Variants in KLC3 observed in about 807,000 individuals in gnomAD.
KLC3 encodes kinesin light chain 2.
A neutral mutation model predicts 62.9 loss-of-function variants in KLC3; 72 were observed. The ratio of observed to expected loss-of-function variants is 1.15; its 90% CI spans 0.95 to 1.39. The LOEUF (loss-of-function observed/expected upper bound fraction) is 1.39. Among genes scored for constraint, KLC3 ranks in the 40% most tolerant of loss-of-function variants. The probability of loss-of-function intolerance (pLI) is 0.00; values close to 1 mark genes in which losing one functional copy is unlikely to be tolerated. For missense variants in KLC3, 848 were observed against 691.6 expected (o/e 1.23, Z -2.54); for synonymous variants, 377 against 300.5 (o/e 1.25, Z -2.63).
chr19:45,349,850 CATTT>C lies in KLC3; in HGVS notation c.1143+252_1143+255del, dbSNP rs1456044283. The C allele has an allele frequency of 1.1e-5, 6 of 523,084 alleles. No individual in the cohort carries two copies. In the East Asian group the frequency reaches 1.3e-4, roughly 11 times the overall value. 32.4% of individuals were successfully genotyped at this position (523,084 alleles called of 1,614,324 possible). Reference sequence around the variant, plus strand: ...GGCAGGCACAGGTGGCAGCAGCAGACATTTATTGAGCTCACTGTGGCCGGCTCCC... The same window carrying C: ...GGCAGGCACAGGTGGCAGCAGCAGACATTGAGCTCACTGTGGCCGGCTCCC... On this transcript the variant is annotated intron_variant, in intron 8 of 12. Coordinates refer to ENST00000391946, the MANE Select transcript of KLC3 (RefSeq NM_177417.3).
intron 1 of KLC3, among the ~76,000 whole-genome samples, chr19:45,344,214 C>CTTT (rs60340712): frequency 1.7e-5 from 2 of 121,088 alleles, no homozygotes; most frequent in African/African-American, 6.3e-5. Context: ...TGTGTACCGT[C>CTTT]TTTTTTTTTT....
At position 45,345,621 on chromosome 19, in the gene KLC3, C is replaced by T. The variant is rs529082376; in HGVS notation, c.80C>T (p.Thr27Met). Residue 27 changes from threonine (T) to methionine (M), a missense_variant, in exon 2 of 13, where the codon ACG becomes ATG. Coordinates refer to ENST00000391946, the MANE Select transcript of KLC3 (RefSeq NM_177417.3). ...AGCCCTGAGGAGCTGGTGCGGCAGA[C>T]GCGGCAAGTGGTCCAGGGGCTGGAG... ...RLSPEELVRQ[T>M]RQVVQGLEAL... 6.8e-5 allele frequency: 108 copies of T among 1,582,316 alleles called. No homozygotes were observed. The East Asian group carries it at 8.3e-4, about 12-fold the overall frequency.
At chr19:45,347,340 C>CAAAAAAAAAA in intron 3 of KLC3, 107 bp from the exon 4 acceptor site, 10 of 556,700 alleles carry the variant, frequency 1.8e-5, no homozygotes, top group Non-Finnish European at 2.0e-5. Flanking sequence ...AACTCCGTCT[C>CAAAAAAAAAA]AAAAAAAAAA....
At position 45,348,752 on chromosome 19, in the gene KLC3, A is replaced by T. The variant is rs2123191791; in HGVS notation, c.867+19A>T. ...CCCCGCGGTGAGTGGGGCCCCAGGGAGACGAAGTGGGGTCAAAGTGGGGCC... is the reference window on the plus strand; with the variant it reads ...CCCCGCGGTGAGTGGGGCCCCAGGGTGACGAAGTGGGGTCAAAGTGGGGCC... On this transcript the variant is annotated intron_variant, in intron 6 of 12. Coordinates refer to ENST00000391946, the MANE Select transcript of KLC3 (RefSeq NM_177417.3). 4 of 1,571,636 alleles carry T rather than the reference A, an allele frequency of 2.5e-6. No homozygotes were observed. Among genetic ancestry groups the T allele is most frequent in the Non-Finnish European group, 3.5e-6 (4 of 1,158,332 alleles).
At chr19:45,351,251 C>G in intron 12 of KLC3, 35 bp from the exon 13 acceptor site, 1 of 1,520,216 alleles carries the variant, frequency 6.6e-7, no homozygotes, top group Non-Finnish European at 8.9e-7. Flanking sequence ...TTGCCCCTCA[C>G]CTCCCCTCCA....
chr19:45,349,794 C>T, intron 8 of KLC3, 192 bp downstream of exon 8: 1 of 574,600 alleles, frequency 1.7e-6, no homozygotes, highest in Non-Finnish European at 3.0e-6. Context: ...AAGTCCACGG[C>T]AGCCAGAGGA....
In KLC3 at chr19:45,348,017, C is replaced by T. The variant is rs1415679644; in HGVS notation, c.636C>T (p.Asn212=). 1 of 1,609,254 alleles carries T rather than the reference C, an allele frequency of 6.2e-7. No individual in the cohort carries two copies. The highest frequency in any genetic ancestry group is 8.5e-7 in the Non-Finnish European group (1 of 1,177,992). Residue 212 remains asparagine, a synonymous_variant, in exon 5 of 13, where the codon AAC becomes AAT. Transcript: ENST00000391946. Reference sequence around the variant, plus strand: ...CTGCCCGCCTTCGGACCCTGCATAACCTCGTGATCCAGTACGCGGGGCAGG... The same window carrying T: ...CTGCCCGCCTTCGGACCCTGCATAATCTCGTGATCCAGTACGCGGGGCAGG... The part of the protein sequence containing the change: ...EIPARLRTLH[N]LVIQYAGQGR...
chr19:45,346,127 ACTCCAGT>A (rs1971485122), intron 2 of KLC3, among the ~76,000 whole-genome samples: 1 of 151,830 alleles, frequency 6.6e-6, no homozygotes, highest in African/African-American at 2.4e-5. Context: ...GTGCCATTCC[ACTCCAGT>A]CTGGGTGACA....
At position 45,346,755 on chromosome 19, in the gene KLC3, ACCCACCGGCGGAGAGCCAGGTG is replaced by A; in HGVS notation, c.473_489+5del. ...TTCCTGGGGCAGCTGCGACAGTACG[ACCCACCGGCGGAGAGCCAGGTG>A]CCACGGGCAGGGCGAGGCGGGGGGT... On this transcript the variant is annotated splice_donor_variant and splice_donor_region_variant and coding_sequence_variant and intron_variant, in exon 3 of 13. Transcript: ENST00000391946. LOFTEE classifies it high-confidence loss of function. 1 of 1,583,532 alleles carries A rather than the reference ACCCACCGGCGGAGAGCCAGGTG, an allele frequency of 6.3e-7. No individual in the cohort carries two copies. The highest frequency in any genetic ancestry group is 8.6e-7 in the Non-Finnish European group (1 of 1,165,832).
chr19:45,351,204 C>G, intron 12 of KLC3, 82 bp from the exon 13 acceptor site: 1 of 1,585,196 alleles, frequency 6.3e-7, no homozygotes, highest in Non-Finnish European at 8.6e-7. Context: ...TAGTTGGCTG[C>G]CAGGCTGGAC....
intron 1 of KLC3, 149 bp from the exon 2 acceptor site, chr19:45,345,385 G>A (rs1971466433): frequency 3.1e-6 from 3 of 981,680 alleles, no homozygotes; most frequent in Non-Finnish European, 3.1e-6. Flanking sequence ...AGGGTGTGGA[G>A]GCAGAGGGCT....
rs1971503118 is a variant in KLC3 at position 45,346,737 on chromosome 19, G to C, written c.452G>C (p.Gly151Ala). The C allele has an allele frequency of 3.8e-6, 6 of 1,588,830 alleles. No homozygotes were observed. The highest frequency in any genetic ancestry group is 4.3e-6 in the Non-Finnish European group (5 of 1,168,450). The change falls in exon 3 of 13, where the codon GGG becomes GCG. Residue 151 changes from glycine (G) to alanine (A), a missense_variant. Transcript: ENST00000391946. ...EEEKRHLEFL[G>A]QLRQYDPPAE... ...GAGAAGCGCCACCTGGAGTTCCTGG[G>C]GCAGCTGCGACAGTACGACCCACCG...
chr19:45,350,294 T>C (rs990796927), intron 8 of KLC3, 47 bp from the exon 9 acceptor site: 1 of 1,474,364 alleles, frequency 6.8e-7, no homozygotes, highest in Admixed American at 1.8e-5. Context: ...GGATGCAGTG[T>C]TGGGAACTGG....
At chr19:45,351,098 CAGTGGTGGAGTCAGCA>C (rs1971742897) in intron 12 of KLC3, 81 bp downstream of exon 12, 2 of 1,610,554 alleles carry the variant, frequency 1.2e-6, no homozygotes, top group African/African-American at 2.7e-5. Context: ...GCGGTCGGGC[CAGTGGTGGAGTCAGCA>C]GGTGGTGGGT....
chr19:45,345,352 TGGGTGTGGAGACTGGGATGGAGA>T (rs1360402638), intron 1 of KLC3, 159 bp from the exon 2 acceptor site: 14 of 719,192 alleles, frequency 1.9e-5, no homozygotes, highest in African/African-American at 1.1e-4. Context: ...CTGGCTGGGA[TGGGTGTGGAGACTGGGATGGAGA>T]GGGTGTGGAG....
At chr19:45,344,877 G>C (rs945402108) in intron 1 of KLC3, 3 of 153,480 alleles carry the variant, frequency 2.0e-5, no homozygotes, top group African/African-American at 7.3e-5. Context: ...GAGGAGGGCG[G>C]AGCCCCTGTT....
intron 1 of KLC3, among the ~76,000 whole-genome samples, chr19:45,343,267 G>A (rs1971426607): frequency 6.6e-6 from 1 of 152,166 alleles, no homozygotes. Context: ...CTGAATGTGA[G>A]TGATTTGGGG....
Position 45,350,601 on chromosome 19 carries a change from GGGCCTGGGGGACTGAGCAGCATCCCC to G in KLC3, c.1273-35_1273-10del. The G allele has an allele frequency of 3.7e-6, 6 of 1,613,600 alleles. No homozygotes were observed. Among genetic ancestry groups the G allele is most frequent in the Non-Finnish European group, 5.1e-6 (6 of 1,179,678 alleles). On this transcript the variant is annotated splice_polypyrimidine_tract_variant and intron_variant, in intron 10 of 12. Coordinates refer to ENST00000391946, the MANE Select transcript of KLC3 (RefSeq NM_177417.3). ...CCTGGGGTGGGCGTGGGGACTGCAT[GGGCCTGGGGGACTGAGCAGCATCCCC>G]GGCCCCTCCCCAGGCCCTTCGCCGC...
chr19:45,345,939 G>A (rs1446730840), intron 2 of KLC3, 140 bp downstream of exon 2: 13 of 986,880 alleles, frequency 1.3e-5, no homozygotes, highest in Non-Finnish European at 1.4e-6. Flanking sequence ...GCTGAGGTGG[G>A]CAGATCACTT....
Sources: allele counts gnomAD v4.1 joint callset (sites outside exome capture counted in the v4.1 genomes callset), GRCh38; gene constraint gnomAD v4.1.1; transcripts MANE v1.5; gene names NCBI Gene and HGNC (gene_info 2026-07-23, HGNC 2026-07-21).